The following MMP16 variants were observed in gnomAD, a reference collection of about 807,000 sequenced individuals.
The protein encoded by MMP16 is matrix metalloproteinase-16.
In MMP16, 12 loss-of-function variants were observed where a neutral mutation model predicts 67.8. The ratio of observed to expected loss-of-function variants is 0.18; its 90% CI spans 0.11 to 0.29. The LOEUF (loss-of-function observed/expected upper bound fraction) is 0.29. Ranked by LOEUF, MMP16 falls within the 10% of genes least tolerant of loss-of-function variation. MMP16 has a pLI of 1.00. For missense variants in MMP16, 475 were observed against 765.7 expected, an observed-to-expected ratio of 0.62 and a Z score of 4.48; for synonymous variants, 249 against 255.9, an observed-to-expected ratio of 0.97 and a Z score of 0.26.
intron 6 of MMP16, among the ~76,000 whole-genome samples, chr8:88,078,981 T>A (rs1308430774): frequency 1.3e-5 from 2 of 152,148 alleles, no homozygotes; most frequent in African/African-American, 4.8e-5. Context: ...TGCCACTGTA[T>A]TTCACTGAGA....
At chr8:88,086,938 T>G (rs1451792488) in intron 6 of MMP16, among the ~76,000 whole-genome samples, 1 of 151,872 alleles carries the variant, frequency 6.6e-6, no homozygotes, top group Non-Finnish European at 1.5e-5. Context: ...CAGCACAATT[T>G]GTTGAATGAA....
chr8:88,205,454 C>A (rs1809411610), intron 1 of MMP16, among the ~76,000 whole-genome samples: 1 of 152,176 alleles, frequency 6.6e-6, no homozygotes, highest in South Asian at 2.1e-4. Flanking sequence ...CATGAAAGGG[C>A]ACTGAGCTGT....
rs889481444 is a variant in MMP16, at chr8:88,327,342, C to T, written c.-136G>A. The T allele has an allele frequency of 3.8e-5, 45 of 1,195,130 alleles. No homozygotes were observed. The African/African-American group carries it at 5.6e-4, about 15-fold the overall frequency. The allele number at this position is 1,195,130 out of a possible 1,614,324, so 74.0% of individuals were successfully genotyped here. On this transcript the variant is annotated 5_prime_UTR_variant, in exon 1 of 10. Coordinates refer to ENST00000286614, the MANE Select transcript of MMP16 (RefSeq NM_005941.5). ...GCCTGCAGGTTCACCCACAGCCGGG[C>T]AAGGGGAGGAGACAGGGGCCCCGCG...
intron 1 of MMP16, among the ~76,000 whole-genome samples, chr8:88,304,326 A>G (rs1811179390): frequency 6.6e-6 from 1 of 152,172 alleles, no homozygotes. Context: ...ACTGACTGGT[A>G]TATATAAAAG....
At chr8:88,110,498 T>C (rs73287040) in intron 6 of MMP16, among the ~76,000 whole-genome samples, 9,159 of 151,642 alleles carry the variant, frequency 0.06, 432 homozygotes, top group Admixed American at 0.12. Flanking sequence ...TTGCTCCCTT[T>C]GGTCTTATGT....
chr8:88,123,572 A>G (rs938920850), intron 4 of MMP16, among the ~76,000 whole-genome samples: 1 of 151,742 alleles, frequency 6.6e-6, no homozygotes, highest in Non-Finnish European at 1.5e-5. Flanking sequence ...ATAACATAAA[A>G]TACTATTTAT....
chr8:88,208,000 C>T (rs1809455882), intron 1 of MMP16, among the ~76,000 whole-genome samples: 1 of 152,104 alleles, frequency 6.6e-6, no homozygotes, highest in African/African-American at 2.4e-5. Flanking sequence ...GTTTGGCTTA[C>T]AAAATGTCAA....
At chr8:88,223,824 A>G (rs1809725399) in intron 1 of MMP16, among the ~76,000 whole-genome samples, 1 of 152,166 alleles carries the variant, frequency 6.6e-6, no homozygotes, top group Admixed American at 6.5e-5. Flanking sequence ...CATGTACCCT[A>G]GAACTTAAAG....
At chr8:88,190,963 A>G (rs995315294) in intron 2 of MMP16, among the ~76,000 whole-genome samples, 39 of 152,226 alleles carry the variant, frequency 2.6e-4, no homozygotes, top group Non-Finnish European at 4.4e-4. Flanking sequence ...CAAAGCAAAC[A>G]AAGACATGGG....
intron 1 of MMP16, among the ~76,000 whole-genome samples, chr8:88,311,976 G>C (rs1811301749): frequency 6.6e-6 from 1 of 152,168 alleles, no homozygotes; most frequent in Non-Finnish European, 1.5e-5. Context: ...TAGAAGTAGA[G>C]AGTAAGGGGC....
intron 3 of MMP16, among the ~76,000 whole-genome samples, chr8:88,183,712 C>T (rs866320626): frequency 3.9e-4 from 36 of 92,080 alleles, no homozygotes; most frequent in East Asian, 6.8e-4. Context: ...AAATGTCCTT[C>T]TTTTTTTTTT....
intron 1 of MMP16, among the ~76,000 whole-genome samples, chr8:88,239,610 A>G (rs1221707874): frequency 6.6e-6 from 1 of 152,126 alleles, no homozygotes; most frequent in Non-Finnish European, 1.5e-5. Context: ...CCACAGATGT[A>G]AACAAAACCT....
chr8:88,158,387 C>CATT (rs760111794), intron 4 of MMP16, among the ~76,000 whole-genome samples: 6 of 151,036 alleles, frequency 4.0e-5, no homozygotes, highest in African/African-American at 7.3e-5. Flanking sequence ...GATGGTATCT[C>CATT]GTGGTTTTGA....
chr8:88,283,172 T>C (rs1468907768), intron 1 of MMP16, among the ~76,000 whole-genome samples: 1 of 152,232 alleles, frequency 6.6e-6, no homozygotes. Flanking sequence ...TTCTTTAACA[T>C]AGTTACATTG....
intron 1 of MMP16, among the ~76,000 whole-genome samples, chr8:88,256,351 C>A (rs1468025198): frequency 6.6e-6 from 1 of 152,078 alleles, no homozygotes; most frequent in Non-Finnish European, 1.5e-5. Flanking sequence ...TTCTCTCTTT[C>A]TGAAATCAAA....
intron 1 of MMP16, among the ~76,000 whole-genome samples, chr8:88,243,507 T>C (rs1467620328): frequency 6.6e-6 from 1 of 152,172 alleles, no homozygotes; most frequent in African/African-American, 2.4e-5. Flanking sequence ...TCGTATATAT[T>C]CTAATTTGTT....
intron 1 of MMP16, among the ~76,000 whole-genome samples, chr8:88,237,304 G>C (rs1307516381): frequency 6.6e-6 from 1 of 152,188 alleles, no homozygotes; most frequent in East Asian, 1.9e-4. Flanking sequence ...CACACAGCTA[G>C]GCTTAAGTAA....
In MMP16 at chr8:88,167,908, T is replaced by C. The variant is rs1336244945; in HGVS notation, c.470A>G (p.Asp157Gly). The change falls in exon 4 of 10, where the codon GAT becomes GGT. Residue 157 changes from aspartate to glycine, a missense_variant. This residue lies in a region of MMP16 where 170 missense variants were observed against 239.6 expected (regional missense o/e 0.71). Coordinates refer to ENST00000286614, the MANE Select transcript of MMP16 (RefSeq NM_005941.5). ...CAGAGGAGTTACATTCTGCCACACA[T>C]CAAAGGCACGGCGAATAGCTTTACG... Reference protein sequence around the residue: ...ETRKAIRRAFDVWQNVTPLTF... With the variant: ...ETRKAIRRAFGVWQNVTPLTF... 6.2e-7 allele frequency: 1 copy of C among 1,614,010 alleles called. No individual in the cohort carries two copies. The highest frequency in any genetic ancestry group is 1.7e-5 in the Admixed American group (1 of 59,966).
chr8:88,082,132 G>A (rs1006587525), intron 6 of MMP16, among the ~76,000 whole-genome samples: 6 of 151,816 alleles, frequency 4.0e-5, no homozygotes, highest in African/African-American at 1.2e-4. Flanking sequence ...AGTAAAAGAC[G>A]TGAACAGTTT....
Sources: gnomAD v4.1 joint callset for allele counts (sites outside exome capture counted in the v4.1 genomes callset) on GRCh38, gnomAD v4.1.1 for gene constraint, gnomAD v4.1.1 regional missense constraint, MANE v1.5 for transcripts, NCBI Gene and HGNC (gene_info 2026-07-23, HGNC 2026-07-21) for gene names.